The following PLA2R1 variants were observed in gnomAD, a reference collection of about 807,000 sequenced individuals.
The protein encoded by PLA2R1 is phospholipase A2 receptor 1.
In PLA2R1, 158 loss-of-function variants were observed where a neutral mutation model predicts 195.9. That is an observed-to-expected ratio of 0.81 (90% CI 0.71 to 0.92). PLA2R1 has a LOEUF of 0.92. Ranked by LOEUF, PLA2R1 falls within the 40% of genes least tolerant of loss-of-function variation. The probability of loss-of-function intolerance (pLI) is 0.00; values close to 1 mark genes in which losing one functional copy is unlikely to be tolerated. For missense variants in PLA2R1, 1,626 were observed against 1,764.6 expected (o/e 0.92, Z 1.41); for synonymous variants, 586 against 598.2 (o/e 0.98, Z 0.30).
chr2:159,945,144 G>A, intron 27 of PLA2R1, 62 bp from the exon 28 acceptor site: 1 of 1,032,210 alleles, frequency 9.7e-7, no homozygotes. Context: ...TACTAAGACT[G>A]GAATTAACCA....
At chr2:159,929,066 A>G (rs1686536647), downstream of PLA2R1, among the ~76,000 whole-genome samples, 1 of 152,226 alleles carries the variant, frequency 6.6e-6, no homozygotes, top group Admixed American at 6.5e-5. Flanking sequence ...ATAACATTGG[A>G]AAAACCCTTC....
rs1690063128 is a variant in PLA2R1 at position 159,982,962 on chromosome 2, G to T, written c.2183+966C>A. On this transcript the variant is annotated intron_variant, in intron 13 of 29. Transcript: ENST00000283243. ...TCTATTGAATTATCCAACCAGCTAT[G>T]CATGTAACTGTGCCCCTTCCACAGA... Among the ~76,000 whole-genome samples, 2 of 152,116 alleles carry T rather than the reference G, an allele frequency of 1.3e-5. 1 individual carries two copies.
Position 160,020,166 on chromosome 2 carries a change from G to A in PLA2R1, c.1392C>T (p.His464=), listed in dbSNP as rs761864701. The A allele has an allele frequency of 6.2e-7, 1 of 1,613,652 alleles. No individual in the cohort carries two copies. The highest frequency in any genetic ancestry group is 2.2e-5 in the East Asian group (1 of 44,888). The change falls in exon 8 of 30, where the codon CAC becomes CAT. Residue 464 remains histidine, a synonymous_variant. Transcript: ENST00000283243. The part of the protein sequence containing the change: ...NDSSVIFTNW[H]TLEPHIFPNR... ...TTGGAAAAATGTGGGGCTCAAGTGT[G>A]TGCCAATTAGTAAAGATGACTGAAG...
intron 6 of PLA2R1, among the ~76,000 whole-genome samples, chr2:160,027,625 T>A (rs1693605760): frequency 6.6e-6 from 1 of 152,250 alleles, no homozygotes; most frequent in Non-Finnish European, 1.5e-5. Context: ...AAAATGGTTA[T>A]ACTTTTATCT....
chr2:159,943,304 T>C (rs935032652), intron 28 of PLA2R1, among the ~76,000 whole-genome samples: 17 of 152,182 alleles, frequency 1.1e-4, no homozygotes, highest in African/African-American at 4.1e-4. Flanking sequence ...AACAATGCCA[T>C]TTAACGTTGC....
chr2:159,988,418 C>T (rs1398363229), intron 11 of PLA2R1, among the ~76,000 whole-genome samples: 1 of 149,866 alleles, frequency 6.7e-6, no homozygotes, highest in African/African-American at 2.4e-5. Flanking sequence ...TAGTGTAAGA[C>T]ACAGACACAT....
At chr2:160,056,528 C>T in intron 1 of PLA2R1, among the ~76,000 whole-genome samples, 1 of 152,158 alleles carries the variant, frequency 6.6e-6, no homozygotes, top group East Asian at 1.9e-4. Flanking sequence ...ATAACCACTA[C>T]CTCTCCTATT....
intron 27 of PLA2R1, chr2:159,945,873 G>C (rs576985930): frequency 1.1e-6 from 1 of 894,062 alleles, no homozygotes; most frequent in Admixed American, 6.2e-5. Context: ...AGGTTATCAT[G>C]TTTCTTAATG....
At chr2:160,040,048 G>T (rs1030850936) in intron 3 of PLA2R1, among the ~76,000 whole-genome samples, 3 of 151,750 alleles carry the variant, frequency 2.0e-5, no homozygotes, top group African/African-American at 7.3e-5. Flanking sequence ...ACCTCTATTG[G>T]GGATGGAAAA....
chr2:160,033,230 T>A, intron 3 of PLA2R1, 98 bp from the exon 4 acceptor site: 1 of 900,760 alleles, frequency 1.1e-6, no homozygotes, highest in East Asian at 2.7e-5. Flanking sequence ...CATCTTGCAA[T>A]CTCTAAAACT....
chr2:159,997,082 T>C (rs1691263493), intron 11 of PLA2R1, among the ~76,000 whole-genome samples: 1 of 152,144 alleles, frequency 6.6e-6, no homozygotes, highest in Non-Finnish European at 1.5e-5. Context: ...TTTTAGCATG[T>C]CTTGTAATAT....
chr2:159,956,757 T>A, intron 20 of PLA2R1, 130 bp from the exon 21 acceptor site: 1 of 620,846 alleles, frequency 1.6e-6, no homozygotes, highest in Non-Finnish European at 2.9e-6. Flanking sequence ...AACTCATTTT[T>A]CTTTCACCTC....
chr2:160,058,340 T>C (rs1695711851), intron 1 of PLA2R1, among the ~76,000 whole-genome samples: 1 of 152,120 alleles, frequency 6.6e-6, no homozygotes, highest in African/African-American at 2.4e-5. Flanking sequence ...GCAAGCACAC[T>C]GACCACACAC....
chr2:159,945,934 G>T, intron 27 of PLA2R1: 2 of 883,078 alleles, frequency 2.3e-6, no homozygotes, highest in Non-Finnish European at 2.7e-6. Flanking sequence ...TCGATTTAAA[G>T]AAATCATTTG....
At position 160,028,419 on chromosome 2, in the gene PLA2R1, A is replaced by G; in HGVS notation, c.956-58T>C. The G allele has an allele frequency of 2.4e-6, 3 of 1,259,210 alleles. No individual in the cohort carries two copies. In the South Asian group the frequency reaches 3.8e-5, roughly 16 times the overall value. The allele number at this position is 1,259,210 out of a possible 1,614,324, so 78.0% of individuals were successfully genotyped here. A position where few individuals can be genotyped will look rare whatever the true frequency, so the allele number is the denominator to read the frequency against. ...AGCAAAAGCAGTTAGTTTAATATAT[A>G]TTGAAATGTGGTTTTCAGCATCGGG... On this transcript the variant is annotated intron_variant, in intron 5 of 29. Coordinates refer to ENST00000283243, the MANE Select transcript of PLA2R1 (RefSeq NM_007366.5).
rs1686660117 is a variant in PLA2R1 at position 159,933,166 on chromosome 2, G to A, written c.*8612C>T. On this transcript the variant is annotated 3_prime_UTR_variant, in exon 30 of 30. Transcript: ENST00000283243. ...TTAATTTGTTCTAAATTACAGCAAAGTGCTCTGCAAGAAACAAGTGCTTGT... is the reference window on the plus strand; with the variant it reads ...TTAATTTGTTCTAAATTACAGCAAAATGCTCTGCAAGAAACAAGTGCTTGT... The A allele has an allele frequency of 6.6e-6, 1 of 152,178 alleles. No individual in the cohort carries two copies. Among genetic ancestry groups the A allele is most frequent in the South Asian group, 2.1e-4 (1 of 4,824 alleles). The allele number at this position is 152,178 out of a possible 1,614,324, so 9.4% of individuals were successfully genotyped here. A position where few individuals can be genotyped will look rare whatever the true frequency, so the allele number is the denominator to read the frequency against.
chr2:159,943,807 T>C (rs1310360594), intron 28 of PLA2R1, among the ~76,000 whole-genome samples: 1 of 151,394 alleles, frequency 6.6e-6, no homozygotes, highest in Non-Finnish European at 1.5e-5. Flanking sequence ...GTTTTTCTTT[T>C]TTTTTTTTTT....
chr2:160,028,723 T>A (rs1044195631), intron 5 of PLA2R1, 127 bp downstream of exon 5: 7 of 635,126 alleles, frequency 1.1e-5, no homozygotes, highest in Non-Finnish European at 2.0e-5. Context: ...TTAAAGGAAT[T>A]CAGTCAGGCT....
intron 20 of PLA2R1, among the ~76,000 whole-genome samples, chr2:159,963,666 A>C (rs1560152213): frequency 6.6e-6 from 1 of 152,208 alleles, no homozygotes; most frequent in Non-Finnish European, 1.5e-5. Flanking sequence ...TAATAGAGAA[A>C]TGCAAATCGA....
Sources: gnomAD v4.1 joint callset for allele counts (sites outside exome capture counted in the v4.1 genomes callset) on GRCh38, gnomAD v4.1.1 for gene constraint, MANE v1.5 for transcripts, NCBI Gene and HGNC (gene_info 2026-07-23, HGNC 2026-07-21) for gene names.